The following SULT1E1 variants were observed in gnomAD, a reference collection of about 807,000 sequenced individuals.
The protein encoded by SULT1E1 is sulfotransferase family 1E member 1, also known as sulfotransferase 1E1.
Under a neutral mutation model 33.6 loss-of-function variants are expected in SULT1E1, and 36 were observed. The ratio of observed to expected loss-of-function variants is 1.07; its 90% CI spans 0.82 to 1.41. The LOEUF (loss-of-function observed/expected upper bound fraction) is 1.41. SULT1E1 is among the 40% of genes most tolerant of loss of function. The pLI is 0.00. For missense variants in SULT1E1, 371 were observed against 345.7 expected (o/e 1.07, Z -0.58); for synonymous variants, 121 against 111.7 (o/e 1.08, Z -0.53).
chr4:69,834,875 T>C, the SULT1E1 span, among the ~76,000 whole-genome samples: 1 of 152,146 alleles, frequency 6.6e-6, no homozygotes, highest in Non-Finnish European at 1.5e-5. Context: ...CATTTCTATT[T>C]CGCCCCTCAT....
Position 69,847,753 on chromosome 4 carries a change from C to A in SULT1E1, c.536G>T (p.Trp179Leu), listed in dbSNP as rs1231316037. The A allele has an allele frequency of 1.9e-6, 3 of 1,609,006 alleles. No individual in the cohort carries two copies. Among genetic ancestry groups the A allele is most frequent in the African/African-American group, 2.7e-5 (2 of 74,590 alleles). Reference protein sequence around the residue: ...GSWYKHVKSWWEKGKSPRVLF... With the variant: ...GSWYKHVKSWLEKGKSPRVLF... Reference sequence around the variant, plus strand: ...TACACGTGGACTCTTTCCCTTTTCCCACCAAGATTTTACATGTTTATACCA... The same window carrying A: ...TACACGTGGACTCTTTCCCTTTTCCAACCAAGATTTTACATGTTTATACCA... Residue 179 changes from tryptophan to leucine, a missense_variant, in exon 6 of 8, where the codon TGG becomes TTG. Transcript: ENST00000226444.
chr4:69,858,156 A>G (rs1196452928), intron 1 of SULT1E1, among the ~76,000 whole-genome samples: 1 of 152,146 alleles, frequency 6.6e-6, no homozygotes, highest in African/African-American at 2.4e-5. Context: ...TAAATAAACC[A>G]AATGCTTGGT....
the SULT1E1 span, among the ~76,000 whole-genome samples, chr4:69,822,524 G>A: frequency 1.3e-5 from 2 of 152,116 alleles, no homozygotes; most frequent in African/African-American, 2.4e-5. Context: ...GCTTAGGTGG[G>A]AAGATCATTT....
At chr4:69,856,780 A>C (rs1343883860) in intron 2 of SULT1E1, among the ~76,000 whole-genome samples, 1 of 151,786 alleles carries the variant, frequency 6.6e-6, no homozygotes, top group Non-Finnish European at 1.5e-5. Context: ...TAAAAAATAC[A>C]AAAAAATTAG....
chr4:69,832,884 A>T, the SULT1E1 span, among the ~76,000 whole-genome samples: 1 of 152,170 alleles, frequency 6.6e-6, no homozygotes, highest in African/African-American at 2.4e-5. Context: ...GTTTACTTAC[A>T]CTAAAGGAGA....
chr4:69,826,173 G>A, the SULT1E1 span, among the ~76,000 whole-genome samples: 2 of 152,186 alleles, frequency 1.3e-5, no homozygotes, highest in African/African-American at 4.8e-5. Context: ...CAACCCTGGA[G>A]ATTCCTTCCT....
chr4:69,854,175 T>C lies in SULT1E1; in HGVS notation c.369+42A>G, dbSNP rs780132608. ...ACTGATGAGATCACTCTATCATTTC[T>C]TGGAATTGGATGAAGTTTTGAGAAC... On this transcript the variant is annotated intron_variant, in intron 4 of 7. Transcript: ENST00000226444. The C allele has an allele frequency of 4.2e-6, 6 of 1,440,142 alleles. No homozygotes were observed. The Admixed American group carries it at 5.2e-5, about 13-fold the overall frequency. The allele number at this position is 1,440,142 out of a possible 1,614,324, so 89.2% of individuals were successfully genotyped here.
the SULT1E1 span, among the ~76,000 whole-genome samples, chr4:69,825,959 C>T: frequency 1.4e-4 from 21 of 152,134 alleles, no homozygotes; most frequent in African/African-American, 4.8e-4. Flanking sequence ...GACTCTATTC[C>T]CTTCTTTAGG....
At chr4:69,847,963 T>C (rs900217785) in intron 5 of SULT1E1, among the ~76,000 whole-genome samples, 171 bp from the exon 6 acceptor site, 2 of 151,812 alleles carry the variant, frequency 1.3e-5, no homozygotes, top group Non-Finnish European at 3.0e-5. Context: ...AGGCAAAGTA[T>C]GTTAAATAAT....
the SULT1E1 span, among the ~76,000 whole-genome samples, chr4:69,821,725 C>G: frequency 1.3e-5 from 2 of 152,138 alleles, no homozygotes; most frequent in Non-Finnish European, 2.9e-5. Context: ...GCTACTTTTA[C>G]GTGTGCATTA....
At chr4:69,834,645 G>C in the SULT1E1 span, among the ~76,000 whole-genome samples, 3 of 152,088 alleles carry the variant, frequency 2.0e-5, no homozygotes, top group African/African-American at 7.2e-5. Flanking sequence ...TAATTCACCT[G>C]TTTTATTCCT....
chr4:69,842,070 G>A lies in SULT1E1; in HGVS notation c.809C>T (p.Ala270Val), dbSNP rs200630976. 3 of 1,610,718 alleles carry A rather than the reference G, an allele frequency of 1.9e-6. No homozygotes were observed. The highest frequency in any genetic ancestry group is 2.5e-6 in the Non-Finnish European group (3 of 1,178,690). Reference protein sequence around the residue: ...TGDWKNHFTVALNEKFDKHYE... With the variant: ...TGDWKNHFTVVLNEKFDKHYE... The stretch of plus-strand genomic sequence containing the variant: ...ATGTTTATCAAATTTTTCATTCAGG[G>A]CTACTGTAAAGTGATTTTTCCAGTC... Residue 270 changes from alanine (A) to valine (V), a missense_variant, in exon 8 of 8, where the codon GCC becomes GTC. By Grantham distance (64) the Ala-to-Val change is moderately conservative (BLOSUM62 0). Coordinates refer to ENST00000226444, the MANE Select transcript of SULT1E1 (RefSeq NM_005420.3).
chr4:69,846,390 A>T (rs993547359), intron 6 of SULT1E1, among the ~76,000 whole-genome samples: 33 of 150,450 alleles, frequency 2.2e-4, no homozygotes, highest in Non-Finnish European at 3.7e-4. Context: ...TTTCAAACTT[A>T]GGTATGAATC....
intron 5 of SULT1E1, 77 bp from the exon 6 acceptor site, chr4:69,847,869 TAAC>T (rs1478275489): frequency 2.6e-6 from 2 of 764,870 alleles, no homozygotes; most frequent in African/African-American, 3.6e-5. Context: ...CAAGCAACAA[TAAC>T]AACAAATAAA....
chr4:69,840,989 T>C (rs1720873891), downstream of SULT1E1, among the ~76,000 whole-genome samples: 1 of 151,712 alleles, frequency 6.6e-6, no homozygotes, highest in South Asian at 2.1e-4. Flanking sequence ...GAGCTTGCAG[T>C]GAGCATGAGC....
chr4:69,839,333 A>G (rs1720842108), downstream of SULT1E1, among the ~76,000 whole-genome samples: 1 of 152,220 alleles, frequency 6.6e-6, no homozygotes, highest in Admixed American at 6.5e-5. Flanking sequence ...GTGAGACAGT[A>G]AGAGCCAGAG....
At chr4:69,844,396 T>C (rs1720935921) in intron 6 of SULT1E1, 55 bp from the exon 7 acceptor site, 1 of 1,350,730 alleles carries the variant, frequency 7.4e-7, no homozygotes, top group African/African-American at 1.5e-5. Context: ...TAAATCACTA[T>C]CTAAATGAAA....
At chr4:69,855,228 T>A in intron 3 of SULT1E1, 73 bp downstream of exon 3, 1 of 1,465,574 alleles carries the variant, frequency 6.8e-7, no homozygotes, top group East Asian at 2.3e-5. Context: ...GCTTATAATC[T>A]CATTGCTTGT....
At chr4:69,835,844 G>C in the SULT1E1 span, among the ~76,000 whole-genome samples, 1 of 152,186 alleles carries the variant, frequency 6.6e-6, no homozygotes, top group East Asian at 1.9e-4. Context: ...AAACTAGGCT[G>C]TTTTGCCCAG....
Sources: allele counts gnomAD v4.1 joint callset (sites outside exome capture counted in the v4.1 genomes callset), GRCh38; gene constraint gnomAD v4.1.1; transcripts MANE v1.5; gene names NCBI Gene and HGNC (gene_info 2026-07-23, HGNC 2026-07-21).